ZNF410: variants seen among roughly 807,000 people sequenced by gnomAD.
The protein encoded by ZNF410 is zinc finger protein 410.
ZNF410 carries 18 observed loss-of-function variants against 54.8 expected under a neutral mutation model. The observed-to-expected ratio is 0.33, with a 90% CI of 0.23 to 0.49. The LOEUF (loss-of-function observed/expected upper bound fraction) is 0.49. Among genes scored for constraint, ZNF410 ranks in the 20% least tolerant of loss-of-function variants. The pLI is 0.99. For synonymous variants in ZNF410, 191 were observed against 207.3 expected (o/e 0.92, Z 0.68); for missense variants, 405 against 569.6 (o/e 0.71, Z 2.94).
rs1276804250 is a variant in ZNF410 at position 73,904,126 on chromosome 14, A to G, written c.731+16A>G. On this transcript the variant is annotated intron_variant, in intron 6 of 11. Transcript: ENST00000555044. ...AGACTCATCGGTGAGCAAATCCGAG[A>G]TCTCATATTTGGATATACGTTGATG... 3.7e-6 allele frequency: 6 copies of G among 1,610,904 alleles called. No homozygotes were observed. The highest frequency in any genetic ancestry group is 1.3e-5 in the African/African-American group (1 of 74,844).
intron 8 of ZNF410, among the ~76,000 whole-genome samples, chr14:73,917,195 T>C (rs1034099385): frequency 6.6e-6 from 1 of 152,332 alleles, no homozygotes; most frequent in South Asian, 2.1e-4. Flanking sequence ...TGTTTCAAAA[T>C]GATAATACCA....
chr14:73,898,937 AT>A, intron 5 of ZNF410, among the ~76,000 whole-genome samples: 1 of 152,244 alleles, frequency 6.6e-6, no homozygotes, highest in East Asian at 1.9e-4. Context: ...CTTGGTTCTG[AT>A]ACATGTTAAA....
intron 6 of ZNF410, among the ~76,000 whole-genome samples, chr14:73,904,362 T>C (rs2055450579): frequency 1.3e-5 from 2 of 152,218 alleles, no homozygotes; most frequent in Non-Finnish European, 2.9e-5. Context: ...TTATAAAACA[T>C]ATTTCCTTTG....
At chr14:73,897,126 G>T (rs1297330398) in intron 4 of ZNF410, among the ~76,000 whole-genome samples, 1 of 152,078 alleles carries the variant, frequency 6.6e-6, no homozygotes, top group Non-Finnish European at 1.5e-5. Flanking sequence ...ACTAAATCAT[G>T]CCAAATACTA....
At chr14:73,893,324 A>G (rs1453982467) in intron 2 of ZNF410, 1 of 152,414 alleles carries the variant, frequency 6.6e-6, no homozygotes, top group Non-Finnish European at 1.5e-5. Context: ...GGTAGTTGAT[A>G]TCATTATTAT....
At chr14:73,906,983 A>G (rs967849393) in intron 7 of ZNF410, among the ~76,000 whole-genome samples, 7 of 152,090 alleles carry the variant, frequency 4.6e-5, no homozygotes, top group African/African-American at 1.7e-4. Context: ...ACAGATCTGA[A>G]TCTCAATAAT....
intron 11 of ZNF410, among the ~76,000 whole-genome samples, chr14:73,928,872 C>G (rs1371520594): frequency 1.3e-5 from 2 of 152,054 alleles, no homozygotes; most frequent in Non-Finnish European, 2.9e-5. Flanking sequence ...CAACTTGAGC[C>G]CAGGAGTTCG....
intron 8 of ZNF410, among the ~76,000 whole-genome samples, chr14:73,910,624 A>C (rs1300175416): frequency 1.3e-5 from 2 of 152,006 alleles, no homozygotes; most frequent in Admixed American, 1.3e-4. Context: ...ATGGTGGCAC[A>C]TGCCTGTAAT....
At chr14:73,907,520 G>A (rs1017100142) in intron 7 of ZNF410, among the ~76,000 whole-genome samples, 45 of 150,844 alleles carry the variant, frequency 3.0e-4, no homozygotes, top group African/African-American at 1.0e-3. Flanking sequence ...GCTTGAACTC[G>A]GGAGTTAGAG....
chr14:73,914,113 C>T (rs1207529893), intron 8 of ZNF410: 2 of 152,164 alleles, frequency 1.3e-5, no homozygotes, highest in Non-Finnish European at 2.9e-5. Flanking sequence ...TCATGGTTCA[C>T]TGCAGCCTTG....
chr14:73,908,844 G>GTTTT (rs112439688), intron 7 of ZNF410, among the ~76,000 whole-genome samples: 12 of 152,022 alleles, frequency 7.9e-5, no homozygotes, highest in African/African-American at 2.9e-4. Flanking sequence ...TTGTTTGTTT[G>GTTTT]TTTTTTTGTT....
chr14:73,912,128 T>C (rs1232586692), intron 8 of ZNF410, among the ~76,000 whole-genome samples: 1 of 151,834 alleles, frequency 6.6e-6, no homozygotes, highest in Non-Finnish European at 1.5e-5. Context: ...TCAGCTGGCC[T>C]GATCCCTGTA....
intron 7 of ZNF410, chr14:73,905,666 C>T (rs926274660): frequency 1.3e-5 from 2 of 152,052 alleles, no homozygotes; most frequent in Non-Finnish European, 2.9e-5. Flanking sequence ...TTTTCCAAGC[C>T]ACTTGGTCCA....
chr14:73,887,823 T>G (rs1240587597), intron 1 of ZNF410, among the ~76,000 whole-genome samples: 1 of 152,220 alleles, frequency 6.6e-6, no homozygotes, highest in East Asian at 1.9e-4. Context: ...AGATGTCTAA[T>G]TTTTGGCAAG....
At chr14:73,910,112 G>GGAAAACAA (rs2055554598) in intron 8 of ZNF410, among the ~76,000 whole-genome samples, 1 of 152,084 alleles carries the variant, frequency 6.6e-6, no homozygotes, top group African/African-American at 2.4e-5. Context: ...TGTAGGACAT[G>GGAAAACAA]GTGATTTACT....
intron 3 of ZNF410, 79 bp downstream of exon 3, chr14:73,894,011 A>C (rs555015038): frequency 1.3e-6 from 2 of 1,496,742 alleles, no homozygotes; most frequent in Admixed American, 4.5e-5. Context: ...TGGAATGAAT[A>C]TATCGTTTAA....
chr14:73,925,553 G>T (rs1351348519), intron 11 of ZNF410, among the ~76,000 whole-genome samples: 1 of 151,766 alleles, frequency 6.6e-6, no homozygotes, highest in African/African-American at 2.4e-5. Flanking sequence ...TCAGTCTCCT[G>T]AATAGCTGGG....
intron 7 of ZNF410, among the ~76,000 whole-genome samples, chr14:73,907,444 A>T (rs1443370123): frequency 6.6e-6 from 1 of 152,130 alleles, no homozygotes; most frequent in African/African-American, 2.4e-5. Context: ...CTAAAAATAC[A>T]GTTAGCCAGG....
chr14:73,910,468 G>C (rs1203687521), intron 8 of ZNF410, among the ~76,000 whole-genome samples: 1 of 152,170 alleles, frequency 6.6e-6, no homozygotes, highest in Non-Finnish European at 1.5e-5. Flanking sequence ...TAGTGGCCTG[G>C]CGTGGTGGCT....
Sources: allele counts gnomAD v4.1 joint callset (sites outside exome capture counted in the v4.1 genomes callset), GRCh38; gene constraint gnomAD v4.1.1; transcripts MANE v1.5; gene names NCBI Gene and HGNC (gene_info 2026-07-23, HGNC 2026-07-21).